Variants in ARHGAP32 observed in about 807,000 individuals in gnomAD.
The protein encoded by ARHGAP32 is rho GTPase-activating protein 32.
A neutral mutation model predicts 186.5 loss-of-function variants in ARHGAP32; 51 were observed. That is an observed-to-expected ratio of 0.27 (90% CI 0.22 to 0.35). The LOEUF (loss-of-function observed/expected upper bound fraction) is 0.35, where lower values mean the gene tolerates loss of function less well. ARHGAP32 is among the 10% of genes least tolerant of loss of function. The pLI, the probability that ARHGAP32 is intolerant of heterozygous loss-of-function variation, is 1.00. For missense variants in ARHGAP32, 2,186 were observed against 2,623.5 expected, an observed-to-expected ratio of 0.83 and a Z score of 3.64; for synonymous variants, 950 against 964.3, an observed-to-expected ratio of 0.99 and a Z score of 0.27.
chr11:128,992,286 C>G (rs764914367), intron 12 of ARHGAP32, among the ~76,000 whole-genome samples: 2 of 151,994 alleles, frequency 1.3e-5, no homozygotes, highest in Non-Finnish European at 2.9e-5. Context: ...ACCTAGTTTT[C>G]TATAAAACTC....
intron 6 of ARHGAP32, among the ~76,000 whole-genome samples, chr11:129,074,074 A>T (rs1323977923): frequency 6.6e-6 from 1 of 152,218 alleles, no homozygotes; most frequent in Admixed American, 6.5e-5. Context: ...CCTGCTCTGT[A>T]AGAAATGTAA....
chr11:129,060,846 A>C (rs1940473191), intron 10 of ARHGAP32, among the ~76,000 whole-genome samples: 1 of 152,130 alleles, frequency 6.6e-6, no homozygotes, highest in South Asian at 2.1e-4. Flanking sequence ...TCTAATAAGC[A>C]TGTTCTATTT....
intron 5 of ARHGAP32, among the ~76,000 whole-genome samples, chr11:129,109,599 T>A (rs1942147955): frequency 6.6e-6 from 1 of 152,146 alleles, no homozygotes; most frequent in African/African-American, 2.4e-5. Context: ...ATTTTTTGTA[T>A]TAAAATATAG....
chr11:129,278,365 ATTCTGCTTG>A (rs1291318287), intron 1 of ARHGAP32, among the ~76,000 whole-genome samples: 2 of 152,212 alleles, frequency 1.3e-5, no homozygotes, highest in Non-Finnish European at 2.9e-5. Context: ...CATCCCAAGC[ATTCTGCTTG>A]GGTCTCCTCC....
At chr11:129,104,827 G>A (rs1168153671) in intron 5 of ARHGAP32, among the ~76,000 whole-genome samples, 18 of 152,034 alleles carry the variant, frequency 1.2e-4, no homozygotes, top group Admixed American at 1.2e-3. Context: ...AACAGTAAAG[G>A]GTTTAGAATA....
chr11:129,143,041 A>T (rs898717759), intron 2 of ARHGAP32, among the ~76,000 whole-genome samples: 2 of 115,946 alleles, frequency 1.7e-5, no homozygotes, highest in African/African-American at 5.9e-5. Flanking sequence ...TAGAAAAAAA[A>T]ATAGCAGCTG....
chr11:129,267,900 CT>C (rs1224521745), intron 1 of ARHGAP32, among the ~76,000 whole-genome samples: 1 of 152,062 alleles, frequency 6.6e-6, no homozygotes, highest in Non-Finnish European at 1.5e-5. Context: ...GTACCAGGCT[CT>C]TTTCCACAAC....
Position 129,235,900 on chromosome 11 carries a change from A to AACACACACACACACACAC in ARHGAP32, c.-5+43228_-5+43245dup, listed in dbSNP as rs57291313. 4.7e-4 allele frequency among the ~76,000 whole-genome samples: 69 copies of AACACACACACACACACAC among 145,652 alleles called. 1 individual carries two copies. Among genetic ancestry groups the AACACACACACACACACAC allele is most frequent in the African/African-American group, 9.3e-4 (36 of 38,762 alleles). ...TGCAAATGCCATTATGTCATTCATAAACACACACACACACACACACACACA... is the reference window on the plus strand; with the variant it reads ...TGCAAATGCCATTATGTCATTCATAAACACACACACACACACACACACACACACACACACACACACACA... On this transcript the variant is annotated intron_variant, in intron 1 of 6. Coordinates refer to the ARHGAP32 transcript ENST00000525234.
chr11:129,090,377 A>G (rs915373229), intron 6 of ARHGAP32, among the ~76,000 whole-genome samples: 1 of 152,190 alleles, frequency 6.6e-6, no homozygotes, highest in Non-Finnish European at 1.5e-5. Flanking sequence ...ACACAAGAGC[A>G]TTCAGATTAC....
chr11:129,181,639 A>G (rs1485544692), intron 1 of ARHGAP32, among the ~76,000 whole-genome samples: 1 of 152,184 alleles, frequency 6.6e-6, no homozygotes, highest in Non-Finnish European at 1.5e-5. Flanking sequence ...TTCCTAAAAA[A>G]TAAAGAAACT....
intron 11 of ARHGAP32, among the ~76,000 whole-genome samples, chr11:129,002,783 G>A (rs180983177): frequency 1.4e-4 from 21 of 146,764 alleles, no homozygotes; most frequent in Admixed American, 1.0e-3. Flanking sequence ...TTTTTGAGGG[G>A]TTTTATCATG....
At chr11:129,023,873 C>G in intron 11 of ARHGAP32, 7 of 983,768 alleles carry the variant, frequency 7.1e-6, no homozygotes, top group Non-Finnish European at 8.4e-6. Flanking sequence ...TGTTGTGGTA[C>G]AAGTTTTAAG....
At chr11:129,050,091 A>G (rs1187053915) in intron 10 of ARHGAP32, among the ~76,000 whole-genome samples, 1 of 152,252 alleles carries the variant, frequency 6.6e-6, no homozygotes, top group East Asian at 1.9e-4. Context: ...TTAAGTGATG[A>G]CTTACTGAGT....
intron 2 of ARHGAP32, among the ~76,000 whole-genome samples, chr11:129,135,304 G>C (rs766738590): frequency 6.6e-6 from 1 of 152,150 alleles, no homozygotes; most frequent in Non-Finnish European, 1.5e-5. Flanking sequence ...AGACAGTGTG[G>C]TATCTGGTCT....
In ARHGAP32 at chr11:129,067,088, T is replaced by A. The variant is rs187314442; in HGVS notation, c.532-220A>T. On this transcript the variant is annotated intron_variant, in intron 6 of 22. Coordinates refer to ENST00000682385, the MANE Select transcript of ARHGAP32 (RefSeq NM_001378024.1). ...GAAAATAAGATAGAACTCTCCACCATCCCTCTTCCTACTGCTGGTCAAAAT... is the reference window on the plus strand; with the variant it reads ...GAAAATAAGATAGAACTCTCCACCAACCCTCTTCCTACTGCTGGTCAAAAT... 3.8e-3 allele frequency among the ~76,000 whole-genome samples: 575 copies of A among 152,082 alleles called. 5 individuals are homozygous for A. The highest frequency in any genetic ancestry group is 0.014 in the Middle Eastern group (4 of 294).
At chr11:129,038,888 GA>G (rs56810685) in intron 11 of ARHGAP32, among the ~76,000 whole-genome samples, 36,908 of 91,416 alleles carry the variant, frequency 0.4, 5,194 homozygotes, top group Middle Eastern at 0.54. Context: ...ACCCTGTCTC[GA>G]AAAAAAAAAA....
rs766357634 is a variant in ARHGAP32, at chr11:129,040,937, G to A, written c.1036C>T (p.Pro346Ser). Residue 346 changes from proline (P) to serine (S), a missense_variant, in exon 11 of 23, where the codon CCA (proline) becomes TCA (serine). By Grantham distance (74) the Pro-to-Ser change is moderately conservative. Transcript: ENST00000682385. Reference protein sequence around the residue: ...KVPQSVTNSVPKPVSKKHGKL... With the variant: ...KVPQSVTNSVSKPVSKKHGKL... ...AAAAAAGTGTACTCACCTGGTTTTG[G>A]CACTGAGTTGGTCACTGACTGGGGA... The A allele has an allele frequency of 6.2e-7, 1 of 1,604,088 alleles. No individual in the cohort carries two copies. The highest frequency in any genetic ancestry group is 8.5e-7 in the Non-Finnish European group (1 of 1,174,944).
intron 10 of ARHGAP32, among the ~76,000 whole-genome samples, chr11:129,042,218 T>C (rs960030967): frequency 2.0e-5 from 3 of 152,178 alleles, no homozygotes; most frequent in Non-Finnish European, 4.4e-5. Context: ...TGGCACAATC[T>C]AGGCTCACTG....
At position 129,123,727 on chromosome 11, in the gene ARHGAP32, T is replaced by C. The variant is rs564022956; in HGVS notation, c.359+161A>G. ...ATGAGTATTACATTTAGTGTACAGA[T>C]CAAAACCCAAAATAAAAAAAGCATC... On this transcript the variant is annotated intron_variant, in intron 4 of 22. Transcript: ENST00000682385. The surrounding 1 kb of genome is among the most constrained non-coding windows in gnomAD (Gnocchi z 4.6). 6.6e-6 allele frequency among the ~76,000 whole-genome samples: 1 copy of C among 152,102 alleles called. No homozygotes were observed. Among genetic ancestry groups the C allele is most frequent in the East Asian group, 1.9e-4 (1 of 5,184 alleles).
Sources: allele counts gnomAD v4.1 joint callset (sites outside exome capture counted in the v4.1 genomes callset), GRCh38; gene constraint gnomAD v4.1.1; non-coding constraint Gnocchi (gnomAD v3.1); transcripts MANE v1.5; gene names NCBI Gene and HGNC (gene_info 2026-07-23, HGNC 2026-07-21).